Variants in UNC79 observed in about 807,000 individuals in gnomAD.
UNC79 encodes unc-79 subunit of NALCN channel complex.
In UNC79, 37 loss-of-function variants were observed where a neutral mutation model predicts 283.1. The ratio of observed to expected loss-of-function variants is 0.13; its 90% CI spans 0.10 to 0.17. The LOEUF (loss-of-function observed/expected upper bound fraction) is 0.17, where lower values mean the gene tolerates loss of function less well. Ranked by LOEUF, UNC79 falls within the 10% of genes least tolerant of loss-of-function variation. The probability of loss-of-function intolerance (pLI) is 1.00; values close to 1 mark genes in which losing one functional copy is unlikely to be tolerated. For missense variants in UNC79, 2,272 were observed against 3,211.1 expected (o/e 0.71, Z 7.07); for synonymous variants, 1,107 against 1,200.2 (o/e 0.92, Z 1.61).
chr14:93,643,436 T>G, intron 33 of UNC79, 121 bp from the exon 37 acceptor site: 1 of 1,388,424 alleles, frequency 7.2e-7, no homozygotes, highest in Admixed American at 1.8e-5. Flanking sequence ...AGAGTGGGGC[T>G]CCTGATCTCC....
At chr14:93,601,946 G>GATT (rs1004280647) in intron 25 of UNC79, among the ~76,000 whole-genome samples, 1 of 151,952 alleles carries the variant, frequency 6.6e-6, no homozygotes, top group Admixed American at 6.6e-5. Flanking sequence ...TTTTTGATGG[G>GATT]ATTATTATTA....
At chr14:93,580,860 CA>C (rs2063754909) in intron 19 of UNC79, among the ~76,000 whole-genome samples, 1 of 152,084 alleles carries the variant, frequency 6.6e-6, no homozygotes, top group Non-Finnish European at 1.5e-5. Flanking sequence ...TGCCCACCAC[CA>C]TGCCTGGCTA....
At position 93,540,752 on chromosome 14, in the gene UNC79, T is replaced by C. The variant is rs1308087916; in HGVS notation, c.1445T>C (p.Leu482Pro). Reference sequence around the variant, plus strand: ...GGCCTCTCCTCTTCCCACCATTCCCTGGATAATGCTGACTTTGATAACAAG... The same window carrying C: ...GGCCTCTCCTCTTCCCACCATTCCCCGGATAATGCTGACTTTGATAACAAG... The change falls in exon 13 of 49, where the codon CTG becomes CCG. Residue 482 changes from leucine to proline, a missense_variant. Around this residue, in one of 11 missense-constraint regions of UNC79, gnomAD observed 142 missense variants for 230.7 expected, o/e 0.62. Transcript: ENST00000555664. 4 of 1,613,692 alleles carry C rather than the reference T, an allele frequency of 2.5e-6. No homozygotes were observed. In the Admixed American group the frequency reaches 5.0e-5, roughly 20 times the overall value.
At position 93,679,457 on chromosome 14, in the gene UNC79, C is replaced by CA. The variant is rs5810640; in HGVS notation, c.6742-3149dup. On this transcript the variant is annotated intron_variant, in intron 41 of 48. Coordinates refer to ENST00000555664, the Ensembl canonical transcript of UNC79. ...CTGGCAACAGAGCGAGATTCCATCT[C>CA]AAAAAAAAAAAGTAGATATTCTGCT... 4.0e-4 allele frequency among the ~76,000 whole-genome samples: 60 copies of CA among 148,584 alleles called. 2 individuals carry two copies. In the South Asian group the frequency reaches 7.0e-3, roughly 17 times the overall value.
intron 1 of UNC79, among the ~76,000 whole-genome samples, chr14:93,362,413 A>T (rs562612190): frequency 6.6e-6 from 1 of 152,024 alleles, no homozygotes; most frequent in Non-Finnish European, 1.5e-5. Context: ...CAATGGCGCT[A>T]TCTTGGCTCA....
chr14:93,687,532 C>T (rs1246551012), intron 43 of UNC79, among the ~76,000 whole-genome samples: 1 of 152,140 alleles, frequency 6.6e-6, no homozygotes, highest in Admixed American at 6.5e-5. Context: ...AGCTAGTGAT[C>T]CCAGAAGTTC....
chr14:93,671,812 A>G (rs181897595), intron 40 of UNC79, among the ~76,000 whole-genome samples: 1 of 152,262 alleles, frequency 6.6e-6, no homozygotes, highest in East Asian at 1.9e-4. Flanking sequence ...AAAAATGTAA[A>G]TAATCCCACT....
exon 34 of UNC79, chr14:93,643,628 C>T (rs1566843436): frequency 5.0e-6 from 8 of 1,613,646 alleles, no homozygotes; most frequent in Non-Finnish European, 5.9e-6. Context: ...GTGGTCCTCT[C>T]CACATTCATT....
At chr14:93,694,243 G>A in intron 46 of UNC79, 92 bp from the exon 50 acceptor site, 1 of 1,161,968 alleles carries the variant, frequency 8.6e-7, no homozygotes, top group Non-Finnish European at 1.3e-6. Context: ...GACCTCATGG[G>A]CACAGGACAT....
intron 1 of UNC79, among the ~76,000 whole-genome samples, chr14:93,382,567 G>T (rs1412144963): frequency 2.0e-5 from 3 of 152,058 alleles, no homozygotes; most frequent in Admixed American, 6.6e-5. Context: ...TACTATTTTT[G>T]CATAATTTTT....
At chr14:93,551,128 C>A (rs1045485924) in intron 14 of UNC79, among the ~76,000 whole-genome samples, 1 of 152,162 alleles carries the variant, frequency 6.6e-6, no homozygotes, top group Non-Finnish European at 1.5e-5. Context: ...CGGCTCACTG[C>A]AAGCTCCGCC....
chr14:93,501,963 A>G (rs907016738), intron 7 of UNC79, among the ~76,000 whole-genome samples: 2 of 152,198 alleles, frequency 1.3e-5, no homozygotes, highest in Admixed American at 6.5e-5. Flanking sequence ...ATGTGTAGGA[A>G]TTATATATTA....
Position 93,634,517 on chromosome 14 carries a change from C to T in UNC79, c.5717-2699C>T. 2 of 1,609,370 alleles carry T rather than the reference C, an allele frequency of 1.2e-6. No individual in the cohort carries two copies. Among genetic ancestry groups the T allele is most frequent in the South Asian group, 1.1e-5 (1 of 90,960 alleles). The stretch of plus-strand genomic sequence containing the variant: ...ATAATCATCTCCTAATTTCCTCCAT[C>T]TAGCTCAGTATAGGCAGATGAAAAG... On this transcript the variant is annotated intron_variant, in intron 31 of 48. Coordinates refer to ENST00000555664, the Ensembl canonical transcript of UNC79.
chr14:93,344,250 A>G (rs77392929), intron 1 of UNC79, among the ~76,000 whole-genome samples: 2,363 of 152,294 alleles, frequency 0.016, 35 homozygotes, highest in Admixed American at 0.029. Context: ...TGCTTTTTAA[A>G]AATTAAAAAT....
intron 1 of UNC79, among the ~76,000 whole-genome samples, chr14:93,443,039 C>T (rs561841162): frequency 6.6e-6 from 1 of 152,226 alleles, no homozygotes; most frequent in East Asian, 1.9e-4. Context: ...GCCTGGCCAA[C>T]ATGGCAAAAC....
At chr14:93,649,728 A>T (rs1020600836) in intron 35 of UNC79, among the ~76,000 whole-genome samples, 3 of 152,194 alleles carry the variant, frequency 2.0e-5, no homozygotes, top group Non-Finnish European at 4.4e-5. Flanking sequence ...TTTTTTGGTG[A>T]AAACATTTGA....
At chr14:93,354,205 A>T (rs67021408) in intron 1 of UNC79, among the ~76,000 whole-genome samples, 21,310 of 152,166 alleles carry the variant, frequency 0.14, 1,738 homozygotes, top group African/African-American at 0.22. Context: ...TGAGAAGGAA[A>T]GTGATATGAG....
At chr14:93,398,852 A>G (rs1376707887) in intron 1 of UNC79, among the ~76,000 whole-genome samples, 1 of 152,166 alleles carries the variant, frequency 6.6e-6, no homozygotes, top group Admixed American at 6.5e-5. Context: ...GCATGTACCC[A>G]CAGACAGGAG....
chr14:93,550,095 G>A (rs1032577449), intron 14 of UNC79, among the ~76,000 whole-genome samples: 3 of 152,166 alleles, frequency 2.0e-5, no homozygotes, highest in African/African-American at 7.2e-5. Context: ...AAAAGTGAAG[G>A]CCTTGCTTAT....
Sources: allele counts gnomAD v4.1 joint callset (sites outside exome capture counted in the v4.1 genomes callset), GRCh38; gene constraint gnomAD v4.1.1; regional missense constraint gnomAD v4.1.1; transcripts MANE v1.5; gene names NCBI Gene and HGNC (gene_info 2026-07-23, HGNC 2026-07-21).